Variants in SLC67A1 observed in about 807,000 individuals in gnomAD.
SLC67A1 encodes solute carrier family 67 member 1, also known as solute carrier family 67 member A1.
At chr11:2,919,477 G>C in the SLC67A1 span, 136,782 of 1,148,200 alleles carry the variant, frequency 0.12, 9,174 homozygotes, top group Non-Finnish European at 0.14. Context: ...TCTGAGAGTA[G>C]AGGCTCCTCC....
chr11:2,925,192 C>T, the SLC67A1 span: 46 of 1,612,474 alleles, frequency 2.9e-5, no homozygotes, highest in Middle Eastern at 6.6e-4. This position sits in a 1 kb window ranked among gnomAD's most constrained non-coding sequence, Gnocchi z 6.5. Context: ...GGACAAAGTC[C>T]GGTGACCGCT....
the SLC67A1 span, chr11:2,903,665 C>T: frequency 1.2e-5 from 8 of 671,852 alleles, no homozygotes; most frequent in South Asian, 1.9e-5. Context: ...TGCCTCTGGA[C>T]CCCCGTCAGC....
chr11:2,921,864 T>C, the SLC67A1 span: 1 of 541,588 alleles, frequency 1.8e-6, no homozygotes, highest in Non-Finnish European at 3.3e-6. Flanking sequence ...CTTTCCTTCC[T>C]CCCTTGTGGA....
At chr11:2,916,783 G>A in the SLC67A1 span, 1 of 1,555,352 alleles carries the variant, frequency 6.4e-7, no homozygotes, top group Non-Finnish European at 8.9e-7. Flanking sequence ...CTGGGGCAAT[G>A]GAAGGCATTG....
chr11:2,918,623 G>T, the SLC67A1 span, among the ~76,000 whole-genome samples: 1 of 152,206 alleles, frequency 6.6e-6, no homozygotes, highest in Non-Finnish European at 1.5e-5. Context: ...ACTGGCACCG[G>T]CCCCTGTCCC....
chr11:2,922,575 T>C, the SLC67A1 span: 1 of 1,580,944 alleles, frequency 6.3e-7, no homozygotes, highest in Admixed American at 1.8e-5. Context: ...GGCCAGCGAG[T>C]GGAGCAGCCT....
chr11:2,909,332 G>C, the SLC67A1 span: 14 of 1,529,862 alleles, frequency 9.2e-6, no homozygotes, highest in Non-Finnish European at 1.2e-5. Context: ...GCGCCTGCCC[G>C]GAGCGCTCAT....
the SLC67A1 span, chr11:2,922,124 G>T: frequency 6.2e-7 from 1 of 1,613,448 alleles, no homozygotes; most frequent in African/African-American, 1.3e-5. Context: ...CTGGTCATCG[G>T]GCAGCTGAGC....
the SLC67A1 span, among the ~76,000 whole-genome samples, chr11:2,907,695 C>T: frequency 8.6e-5 from 13 of 152,030 alleles, no homozygotes; most frequent in East Asian, 1.9e-4. This position sits in a 1 kb window ranked among gnomAD's most constrained non-coding sequence, Gnocchi z 6.7. Context: ...GGGGGAGGAG[C>T]GGCTGCAGGG....
At chr11:2,912,455 G>A in the SLC67A1 span, among the ~76,000 whole-genome samples, 4 of 152,226 alleles carry the variant, frequency 2.6e-5, no homozygotes, top group African/African-American at 9.6e-5. Flanking sequence ...AACATCCCCC[G>A]CCTTGCAGCC....
At chr11:2,908,437 CT>C in the SLC67A1 span, 1 of 763,548 alleles carries the variant, frequency 1.3e-6, no homozygotes, top group South Asian at 1.8e-5. Flanking sequence ...CCGGACCCCC[CT>C]GGGATGACGG....
At chr11:2,925,017 G>A in the SLC67A1 span, 1 of 1,610,636 alleles carries the variant, frequency 6.2e-7, no homozygotes, top group Non-Finnish European at 8.5e-7. The surrounding 1 kb of genome is among the most constrained non-coding windows in gnomAD (Gnocchi z 6.5). Flanking sequence ...CAGGGACCAT[G>A]CTGGGCCTCT....
the SLC67A1 span, among the ~76,000 whole-genome samples, chr11:2,914,283 G>A: frequency 6.6e-6 from 1 of 152,196 alleles, no homozygotes; most frequent in East Asian, 1.9e-4. Context: ...AAGCCAGCGT[G>A]CCCCTGCGTC....
At chr11:2,902,670 G>A in the SLC67A1 span, 1 of 985,548 alleles carries the variant, frequency 1.0e-6, no homozygotes, top group Non-Finnish European at 1.2e-6. Context: ...CCCACCAGTT[G>A]GAGGCCGGGC....
chr11:2,911,737 T>C, the SLC67A1 span, among the ~76,000 whole-genome samples: 1 of 152,204 alleles, frequency 6.6e-6, no homozygotes, highest in Non-Finnish European at 1.5e-5. Flanking sequence ...CAGTAAGCCG[T>C]GGCCATGGTG....
the SLC67A1 span, among the ~76,000 whole-genome samples, chr11:2,911,580 C>T: frequency 6.6e-6 from 1 of 152,136 alleles, no homozygotes; most frequent in Admixed American, 6.5e-5. Context: ...TCCCAGGGTG[C>T]TGCCCACCCC....
chr11:2,905,684 G>A, the SLC67A1 span, among the ~76,000 whole-genome samples: 1 of 152,168 alleles, frequency 6.6e-6, no homozygotes, highest in Non-Finnish European at 1.5e-5. Flanking sequence ...CCTGCTCCGA[G>A]GGCTGGGAGA....
chr11:2,922,009 C>G, the SLC67A1 span: 3 of 945,576 alleles, frequency 3.2e-6, no homozygotes, highest in Non-Finnish European at 5.2e-6. Context: ...ACAGGCCAGT[C>G]TGGAGGTCCC....
At chr11:2,917,132 C>T in the SLC67A1 span, 7 of 231,306 alleles carry the variant, frequency 3.0e-5, no homozygotes, top group Admixed American at 2.3e-4. Context: ...CAGGGAGAGG[C>T]GAGGGTGCTG....
Sources: allele counts gnomAD v4.1 joint callset (sites outside exome capture counted in the v4.1 genomes callset), GRCh38; gene constraint gnomAD v4.1.1; non-coding constraint Gnocchi (gnomAD v3.1); transcripts MANE v1.5; gene names NCBI Gene and HGNC (gene_info 2026-07-23, HGNC 2026-07-21).